The following SRGAP3 variants were observed in gnomAD, a reference collection of about 807,000 sequenced individuals.
The protein encoded by SRGAP3 is SLIT-ROBO Rho GTPase-activating protein 3.
In SRGAP3, 39 loss-of-function variants were observed where a neutral mutation model predicts 121.1. The ratio of observed to expected loss-of-function variants is 0.32; its 90% CI spans 0.25 to 0.42. The LOEUF is 0.42. SRGAP3 is among the 10% of genes least tolerant of loss of function. The pLI, the probability that SRGAP3 is intolerant of heterozygous loss-of-function variation, is 1.00. For missense variants in SRGAP3, 1,213 were observed against 1,470.6 expected (o/e 0.82, Z 2.86); for synonymous variants, 601 against 570.0 (o/e 1.05, Z -0.77).
At chr3:9,144,668 T>C (rs142392603) in intron 1 of SRGAP3, among the ~76,000 whole-genome samples, 84 of 152,342 alleles carry the variant, frequency 5.5e-4, no homozygotes, top group African/African-American at 1.6e-3. Flanking sequence ...GCCGCCACCA[T>C]GTAAGAAGTG....
chr3:9,130,773 T>C (rs1334605283), intron 1 of SRGAP3, among the ~76,000 whole-genome samples: 1 of 152,256 alleles, frequency 6.6e-6, no homozygotes, highest in African/African-American at 2.4e-5. Context: ...AGAGATATTA[T>C]TTATTAGAAA....
At chr3:8,986,305 G>A (rs954088056) in intron 21 of SRGAP3, among the ~76,000 whole-genome samples, 1 of 152,122 alleles carries the variant, frequency 6.6e-6, no homozygotes, top group Non-Finnish European at 1.5e-5. Context: ...ATTATAATAT[G>A]GACCTCAGGG....
At chr3:9,168,777 T>G (rs1950880169) in intron 1 of SRGAP3, among the ~76,000 whole-genome samples, 2 of 152,262 alleles carry the variant, frequency 1.3e-5, no homozygotes, top group African/African-American at 4.8e-5. Flanking sequence ...AACCTATTGA[T>G]TCATAATCTC....
intron 1 of SRGAP3, chr3:9,349,318 G>C: frequency 2.5e-6 from 1 of 407,974 alleles, no homozygotes. Flanking sequence ...CTGCAGATGG[G>C]CACCAGTGGC....
intron 9 of SRGAP3, 61 bp downstream of exon 9, chr3:9,052,966 T>G (rs1360685826): frequency 2.5e-6 from 4 of 1,605,498 alleles, no homozygotes; most frequent in Non-Finnish European, 3.4e-6. Flanking sequence ...GGGTTGCTCC[T>G]GAAAAGTCAC....
chr3:9,131,983 C>T (rs1949469395), intron 1 of SRGAP3, among the ~76,000 whole-genome samples: 1 of 152,198 alleles, frequency 6.6e-6, no homozygotes, highest in Non-Finnish European at 1.5e-5. Context: ...TGGCAAACAG[C>T]CCGTGTGACC....
At chr3:9,298,253 T>C (rs1377941000) in intron 3 of SRGAP3, among the ~76,000 whole-genome samples, 1 of 152,218 alleles carries the variant, frequency 6.6e-6, no homozygotes, top group African/African-American at 2.4e-5. Context: ...ACACAGTATG[T>C]GCTCAAGAAA....
intron 1 of SRGAP3, among the ~76,000 whole-genome samples, chr3:9,356,206 T>G (rs1357701805): frequency 1.4e-5 from 2 of 145,138 alleles, no homozygotes; most frequent in Admixed American, 1.4e-4. Flanking sequence ...TTTTTTTTTT[T>G]TTTTTGAGAC....
chr3:9,178,628 A>T (rs186657904), intron 1 of SRGAP3, among the ~76,000 whole-genome samples: 15 of 152,302 alleles, frequency 9.8e-5, no homozygotes, highest in Admixed American at 2.0e-4. Context: ...GCCAGACAGC[A>T]GCACAGCACC....
chr3:9,336,989 C>A (rs1175769723), intron 1 of SRGAP3, among the ~76,000 whole-genome samples: 1 of 152,100 alleles, frequency 6.6e-6, no homozygotes, highest in African/African-American at 2.4e-5. Context: ...ACCTTTCACT[C>A]CCAAGGTGCT....
At chr3:9,130,138 CACAA>C (rs772581303) in intron 1 of SRGAP3, among the ~76,000 whole-genome samples, 50 of 152,246 alleles carry the variant, frequency 3.3e-4, no homozygotes, top group Non-Finnish European at 4.4e-4. Context: ...CTCACACACA[CACAA>C]ACAAACATAT....
intron 1 of SRGAP3, chr3:9,349,190 T>C: frequency 4.3e-6 from 3 of 705,110 alleles, no homozygotes; most frequent in Admixed American, 3.6e-5. Flanking sequence ...GGCCAAGAAG[T>C]AAAGGCCAGC....
chr3:9,010,201 G>T (rs1574900342), intron 18 of SRGAP3, 107 bp downstream of exon 18: 7 of 1,302,076 alleles, frequency 5.4e-6, no homozygotes, highest in East Asian at 4.9e-5. Context: ...TGGCTGACTT[G>T]GAAAGCTGAA....
chr3:9,261,945 T>C (rs969369607), intron 3 of SRGAP3, among the ~76,000 whole-genome samples: 2 of 150,852 alleles, frequency 1.3e-5, no homozygotes, highest in African/African-American at 4.9e-5. Context: ...AAAAAATGTT[T>C]AGGGCAGCCA....
intron 2 of SRGAP3, among the ~76,000 whole-genome samples, chr3:9,118,684 T>C (rs1374611486): frequency 2.4e-5 from 3 of 125,378 alleles, no homozygotes; most frequent in East Asian, 5.0e-4. Context: ...TAAATGCAGA[T>C]TGCCAGGCCC....
chr3:9,076,489 C>A (rs184053191), intron 4 of SRGAP3, among the ~76,000 whole-genome samples: 1 of 152,084 alleles, frequency 6.6e-6, no homozygotes, highest in African/African-American at 2.4e-5. Context: ...TGGCCAAGCT[C>A]GTAAGTGGTG....
chr3:9,252,259 T>C (rs532620840), upstream of SRGAP3, among the ~76,000 whole-genome samples: 2 of 152,242 alleles, frequency 1.3e-5, no homozygotes, highest in Admixed American at 1.3e-4. Context: ...GATGCTGGTG[T>C]TATGCTGGTA....
intron 1 of SRGAP3, among the ~76,000 whole-genome samples, chr3:9,246,924 G>A (rs191254933): frequency 8.5e-5 from 13 of 152,212 alleles, no homozygotes; most frequent in Middle Eastern, 3.4e-3. Context: ...CAGGGTACTC[G>A]CTGCTTAGTT....
intron 3 of SRGAP3, among the ~76,000 whole-genome samples, chr3:9,312,142 TTTG>T (rs965491517): frequency 4.6e-5 from 7 of 152,122 alleles, no homozygotes; most frequent in Admixed American, 1.3e-4. Flanking sequence ...TATGTTGTTT[TTTG>T]TTGTTGTTGT....
Sources: allele counts gnomAD v4.1 joint callset (sites outside exome capture counted in the v4.1 genomes callset), GRCh38; gene constraint gnomAD v4.1.1; transcripts MANE v1.5; gene names NCBI Gene and HGNC (gene_info 2026-07-23, HGNC 2026-07-21).